The following NCALD variants were observed in gnomAD, a reference collection of about 807,000 sequenced individuals.
The protein encoded by NCALD is neurocalcin-delta.
NCALD carries 10 observed loss-of-function variants against 18.6 expected under a neutral mutation model. The observed-to-expected ratio is 0.54, with a 90% CI of 0.33 to 0.91. The LOEUF (loss-of-function observed/expected upper bound fraction) is 0.91. NCALD is among the 40% of genes least tolerant of loss of function. The pLI is 0.03. For missense variants in NCALD, 184 were observed against 247.6 expected (o/e 0.74, Z 1.72); for synonymous variants, 88 against 87.4 (o/e 1.01, Z -0.04).
intron 1 of NCALD, among the ~76,000 whole-genome samples, chr8:102,080,744 A>C (rs1468163828): frequency 6.6e-6 from 1 of 152,218 alleles, no homozygotes; most frequent in Non-Finnish European, 1.5e-5. Context: ...CTGTGATTGC[A>C]AGGAGACAGA....
intron 1 of NCALD, among the ~76,000 whole-genome samples, chr8:102,084,301 C>CT (rs1230930266): frequency 6.6e-6 from 1 of 152,356 alleles, no homozygotes; most frequent in East Asian, 1.9e-4. Context: ...TCTGCAGCAA[C>CT]TTCACTTCTT....
intron 2 of NCALD, among the ~76,000 whole-genome samples, chr8:101,962,048 C>T (rs1563936076): frequency 6.6e-6 from 1 of 152,108 alleles, no homozygotes; most frequent in Non-Finnish European, 1.5e-5. Context: ...CCTAAAAACA[C>T]TATTAAAGCA....
chr8:102,108,213 T>C (rs1825534196), intron 1 of NCALD, among the ~76,000 whole-genome samples: 1 of 152,056 alleles, frequency 6.6e-6, no homozygotes, highest in Non-Finnish European at 1.5e-5. Flanking sequence ...CAAAAGTAAA[T>C]AGTTACACAG....
intron 3 of NCALD, among the ~76,000 whole-genome samples, chr8:101,890,681 C>T (rs527361958): frequency 2.0e-5 from 3 of 152,288 alleles, no homozygotes; most frequent in Admixed American, 1.3e-4. Flanking sequence ...CTAGGCTTCA[C>T]GAGACATTAA....
chr8:101,755,649 G>T, intron 1 of NCALD, among the ~76,000 whole-genome samples: 1 of 152,186 alleles, frequency 6.6e-6, no homozygotes, highest in East Asian at 1.9e-4. Context: ...AGAAACCAGG[G>T]AATAGGTTTT....
intron 1 of NCALD, among the ~76,000 whole-genome samples, chr8:101,786,454 C>T (rs924374239): frequency 1.6e-4 from 24 of 152,150 alleles, no homozygotes; most frequent in African/African-American, 3.9e-4. Context: ...AGGTATAGGA[C>T]GGGGAAACTT....
chr8:101,814,326 A>G (rs1813415361), intron 4 of NCALD, among the ~76,000 whole-genome samples: 1 of 152,158 alleles, frequency 6.6e-6, no homozygotes, highest in Non-Finnish European at 1.5e-5. Context: ...TATGCCAGGT[A>G]TGGTTTAACA....
chr8:101,717,275 G>A (rs1816131009), intron 2 of NCALD, among the ~76,000 whole-genome samples: 1 of 152,120 alleles, frequency 6.6e-6, no homozygotes, highest in Admixed American at 6.5e-5. Flanking sequence ...CACAGGAAGC[G>A]ATGTCAGGGA....
intron 1 of NCALD, among the ~76,000 whole-genome samples, chr8:102,061,677 T>G (rs1187483654): frequency 1.3e-5 from 2 of 152,352 alleles, no homozygotes; most frequent in Middle Eastern, 3.4e-3. Context: ...ATAATATTTT[T>G]AAATGTATTC....
At chr8:101,874,745 C>T (rs1563847058) in intron 4 of NCALD, among the ~76,000 whole-genome samples, 1 of 152,112 alleles carries the variant, frequency 6.6e-6, no homozygotes, top group Admixed American at 6.5e-5. Context: ...CCAGGTTGGT[C>T]TCAAATTCCT....
chr8:101,965,730 T>C (rs1586838292), intron 2 of NCALD, among the ~76,000 whole-genome samples: 1 of 152,208 alleles, frequency 6.6e-6, no homozygotes, highest in Non-Finnish European at 1.5e-5. Flanking sequence ...AACCTGCATG[T>C]TCTGCACATG....
intron 2 of NCALD, among the ~76,000 whole-genome samples, chr8:101,940,759 C>A (rs1436702942): frequency 7.2e-5 from 11 of 152,166 alleles, no homozygotes; most frequent in African/African-American, 1.7e-4. Context: ...CAGAGCCTAA[C>A]TGGCCAGCCA....
chr8:102,037,973 T>A (rs758161739), intron 1 of NCALD, among the ~76,000 whole-genome samples: 2 of 152,182 alleles, frequency 1.3e-5, no homozygotes, highest in African/African-American at 4.8e-5. Flanking sequence ...AAGCCCACCA[T>A]GTATCCAAAT....
At chr8:101,993,531 G>C (rs1821128937) in intron 2 of NCALD, among the ~76,000 whole-genome samples, 3 of 152,146 alleles carry the variant, frequency 2.0e-5, no homozygotes, top group Admixed American at 1.3e-4. Flanking sequence ...ACACTGGGTG[G>C]GAAACTATTT....
chr8:101,913,512 T>C (rs116954444), intron 3 of NCALD, among the ~76,000 whole-genome samples: 339 of 151,856 alleles, frequency 2.2e-3, no homozygotes, highest in Non-Finnish European at 4.2e-3. Flanking sequence ...TTGGAAGGTA[T>C]ACCTCCAAAC....
intron 4 of NCALD, among the ~76,000 whole-genome samples, chr8:101,810,672 G>A (rs1813272810): frequency 6.6e-6 from 1 of 151,962 alleles, no homozygotes; most frequent in Admixed American, 6.6e-5. Flanking sequence ...GAGGAAATAG[G>A]ACATTAGTTT....
chr8:101,990,512 G>A (rs1326090256), intron 2 of NCALD, among the ~76,000 whole-genome samples: 2 of 152,120 alleles, frequency 1.3e-5, no homozygotes, highest in Admixed American at 1.3e-4. Context: ...GGGGGACCCG[G>A]TAGGAGGTAA....
At chr8:101,699,679 C>T (rs1313372491) in intron 2 of NCALD, among the ~76,000 whole-genome samples, 1 of 152,148 alleles carries the variant, frequency 6.6e-6, no homozygotes, top group Non-Finnish European at 1.5e-5. Context: ...CCAAACACCA[C>T]ATATTCTCAC....
intron 4 of NCALD, among the ~76,000 whole-genome samples, chr8:101,820,664 T>G (rs1252194674): frequency 6.6e-6 from 1 of 152,178 alleles, no homozygotes; most frequent in Admixed American, 6.5e-5. Flanking sequence ...ATCCCTGCTG[T>G]AGATGGGATA....
Sources: gnomAD v4.1 joint callset for allele counts (sites outside exome capture counted in the v4.1 genomes callset) on GRCh38, gnomAD v4.1.1 for gene constraint, MANE v1.5 for transcripts, NCBI Gene and HGNC (gene_info 2026-07-23, HGNC 2026-07-21) for gene names.